The following ZDHHC14 variants were observed in gnomAD, a reference collection of about 807,000 sequenced individuals.
The protein encoded by ZDHHC14 is zDHHC palmitoyltransferase 14.
Under a neutral mutation model 47.7 loss-of-function variants are expected in ZDHHC14, and 16 were observed. The ratio of observed to expected loss-of-function variants is 0.34; its 90% CI spans 0.23 to 0.51. The LOEUF (loss-of-function observed/expected upper bound fraction) is 0.51. Among genes scored for constraint, ZDHHC14 ranks in the 20% least tolerant of loss-of-function variants. The pLI, the probability that ZDHHC14 is intolerant of heterozygous loss-of-function variation, is 0.97. For missense variants in ZDHHC14, 515 were observed against 662.5 expected, an observed-to-expected ratio of 0.78 and a Z score of 2.44; for synonymous variants, 293 against 278.9, an observed-to-expected ratio of 1.05 and a Z score of -0.50.
chr6:157,661,418 T>G (rs1337342310), intron 8 of ZDHHC14, among the ~76,000 whole-genome samples: 1 of 152,236 alleles, frequency 6.6e-6, no homozygotes, highest in Non-Finnish European at 1.5e-5. Context: ...GAAATCAGCA[T>G]TCATTATATT....
intron 3 of ZDHHC14, among the ~76,000 whole-genome samples, chr6:157,608,672 A>G (rs1562505647): frequency 6.6e-6 from 1 of 152,206 alleles, no homozygotes; most frequent in Non-Finnish European, 1.5e-5. Flanking sequence ...GCAACAGGCC[A>G]GGGGGTAGGC....
intron 2 of ZDHHC14, among the ~76,000 whole-genome samples, chr6:157,564,440 G>C (rs1782826609): frequency 6.6e-6 from 1 of 152,132 alleles, no homozygotes; most frequent in South Asian, 2.1e-4. Flanking sequence ...TTTATGTTAT[G>C]AATACATTTT....
At chr6:157,621,559 C>G (rs1182855400) in intron 3 of ZDHHC14, among the ~76,000 whole-genome samples, 2 of 152,184 alleles carry the variant, frequency 1.3e-5, no homozygotes, top group Non-Finnish European at 2.9e-5. Context: ...CTGCCAAGAG[C>G]CTGTGACCGC....
intron 3 of ZDHHC14, among the ~76,000 whole-genome samples, chr6:157,626,820 A>G (rs1341571043): frequency 1.4e-5 from 2 of 146,046 alleles, no homozygotes; most frequent in Admixed American, 6.9e-5. Flanking sequence ...TCTGTGATAC[A>G]CCCGATACAC....
chr6:157,529,419 C>T (rs905582701), intron 1 of ZDHHC14, among the ~76,000 whole-genome samples: 1 of 152,168 alleles, frequency 6.6e-6, no homozygotes, highest in African/African-American at 2.4e-5. Flanking sequence ...CAGTCATCAC[C>T]ATTTAGTGTC....
At chr6:157,417,058 G>A (rs371084653) in intron 1 of ZDHHC14, among the ~76,000 whole-genome samples, 6 of 130,288 alleles carry the variant, frequency 4.6e-5, no homozygotes, top group African/African-American at 1.8e-4. Flanking sequence ...TCGAACTCCT[G>A]ACCTCGTGAT....
At chr6:157,557,576 G>A (rs1335051922) in intron 2 of ZDHHC14, among the ~76,000 whole-genome samples, 3 of 152,100 alleles carry the variant, frequency 2.0e-5, no homozygotes, top group East Asian at 1.9e-4. Context: ...AAAACAAAAC[G>A]TTATTTTAGG....
intron 5 of ZDHHC14, among the ~76,000 whole-genome samples, chr6:157,640,807 GT>G (rs1413348895): frequency 1.3e-5 from 2 of 152,202 alleles, no homozygotes; most frequent in Non-Finnish European, 2.9e-5. Flanking sequence ...ACGAGAATAT[GT>G]TCTCGTTGTA....
At chr6:157,386,082 G>C (rs928279348) in intron 1 of ZDHHC14, among the ~76,000 whole-genome samples, 1 of 152,158 alleles carries the variant, frequency 6.6e-6, no homozygotes, top group Non-Finnish European at 1.5e-5. Context: ...CATATTGTTA[G>C]AGTAAATCTT....
intron 1 of ZDHHC14, among the ~76,000 whole-genome samples, chr6:157,450,597 A>G (rs1178389437): frequency 6.6e-6 from 1 of 152,192 alleles, no homozygotes; most frequent in Non-Finnish European, 1.5e-5. Flanking sequence ...GCAAACGAAA[A>G]GGTCTGGAAC....
At chr6:157,471,522 G>A (rs1329729921) in intron 1 of ZDHHC14, among the ~76,000 whole-genome samples, 1 of 152,206 alleles carries the variant, frequency 6.6e-6, no homozygotes, top group Non-Finnish European at 1.5e-5. Flanking sequence ...GCGGTTTCGC[G>A]TCGGTTAATG....
chr6:157,491,550 G>A, intron 1 of ZDHHC14, among the ~76,000 whole-genome samples: 1 of 151,598 alleles, frequency 6.6e-6, no homozygotes, highest in Non-Finnish European at 1.5e-5. Context: ...CTTTTATAAT[G>A]AGATTATATC....
intron 1 of ZDHHC14, among the ~76,000 whole-genome samples, chr6:157,414,092 C>A (rs1246701991): frequency 2.0e-5 from 3 of 152,056 alleles, no homozygotes; most frequent in Non-Finnish European, 2.9e-5. Flanking sequence ...ATACCATGCC[C>A]AACAAATTTT....
At chr6:157,496,655 A>G (rs1780073196) in intron 1 of ZDHHC14, among the ~76,000 whole-genome samples, 1 of 152,168 alleles carries the variant, frequency 6.6e-6, no homozygotes, top group Non-Finnish European at 1.5e-5. Flanking sequence ...ACAAGCCAAC[A>G]ATGCCAGGAA....
chr6:157,644,087 T>G (rs1188477074), intron 5 of ZDHHC14, among the ~76,000 whole-genome samples: 1 of 152,172 alleles, frequency 6.6e-6, no homozygotes, highest in Non-Finnish European at 1.5e-5. Flanking sequence ...GTGTCTAATG[T>G]CATCTCCCTC....
chr6:157,471,982 T>G (rs1451725507), intron 1 of ZDHHC14, among the ~76,000 whole-genome samples: 1 of 152,176 alleles, frequency 6.6e-6, no homozygotes, highest in Non-Finnish European at 1.5e-5. Flanking sequence ...ACGTGGCCAA[T>G]AGTGCGCACC....
intron 2 of ZDHHC14, 174 bp from the exon 3 acceptor site, chr6:157,592,814 G>A (rs868654987): frequency 4.9e-6 from 7 of 1,421,430 alleles, no homozygotes; most frequent in African/African-American, 4.4e-5. Context: ...GAAGGAGGCC[G>A]GGGTCCCAGC....
intron 1 of ZDHHC14, among the ~76,000 whole-genome samples, chr6:157,535,354 C>T (rs544591283): frequency 2.0e-5 from 3 of 152,298 alleles, no homozygotes; most frequent in South Asian, 4.1e-4. Flanking sequence ...TTCCTCGACT[C>T]GGTAGGGTGA....
chr6:157,542,308 A>G (rs1781795994), intron 1 of ZDHHC14, among the ~76,000 whole-genome samples: 1 of 152,190 alleles, frequency 6.6e-6, no homozygotes. Context: ...CTGATTATAC[A>G]AGCAGGACTA....
Sources: gnomAD v4.1 joint callset for allele counts (sites outside exome capture counted in the v4.1 genomes callset) on GRCh38, gnomAD v4.1.1 for gene constraint, MANE v1.5 for transcripts, NCBI Gene and HGNC (gene_info 2026-07-23, HGNC 2026-07-21) for gene names.